The following NSUN3 variants were observed in gnomAD, a reference collection of about 807,000 sequenced individuals.
NSUN3 encodes the protein tRNA (cytosine(34)-C(5))-methyltransferase, mitochondrial.
NSUN3 carries 24 observed loss-of-function variants against 36.8 expected under a neutral mutation model. The observed-to-expected ratio is 0.65, with a 90% CI of 0.47 to 0.92. The LOEUF (loss-of-function observed/expected upper bound fraction) is 0.92, where lower values mean the gene tolerates loss of function less well. Ranked by LOEUF, NSUN3 falls within the 40% of genes least tolerant of loss-of-function variation. The pLI, the probability that NSUN3 is intolerant of heterozygous loss-of-function variation, is 0.00. For missense variants in NSUN3, 381 were observed against 392.8 expected (o/e 0.97, Z 0.25); for synonymous variants, 146 against 145.2 (o/e 1.01, Z -0.04).
chr3:94,084,649 T>G, intron 3 of NSUN3, 199 bp downstream of exon 3: 5 of 482,846 alleles, frequency 1.0e-5, no homozygotes. Flanking sequence ...AATTTAATTC[T>G]AGCAGGTGAT....
intron 2 of NSUN3, among the ~76,000 whole-genome samples, chr3:94,069,042 C>T (rs1354526170): frequency 6.6e-6 from 1 of 152,142 alleles, no homozygotes; most frequent in African/African-American, 2.4e-5. Flanking sequence ...CAAATTCAGT[C>T]CTGTGACTTA....
intron 5 of NSUN3, among the ~76,000 whole-genome samples, chr3:94,113,072 G>A (rs965675703): frequency 1.3e-5 from 2 of 152,046 alleles, no homozygotes; most frequent in African/African-American, 2.4e-5. Flanking sequence ...CACTGTGTTA[G>A]CCAGGATGGT....
chr3:94,107,972 TC>T (rs2077397243), intron 5 of NSUN3, among the ~76,000 whole-genome samples: 2 of 106,066 alleles, frequency 1.9e-5, no homozygotes, highest in African/African-American at 6.5e-5. Flanking sequence ...CTTTTTTTTT[TC>T]CTTTTTTTTT....
At chr3:94,096,233 G>T (rs1010051808) in intron 5 of NSUN3, among the ~76,000 whole-genome samples, 2 of 151,936 alleles carry the variant, frequency 1.3e-5, no homozygotes, top group Non-Finnish European at 2.9e-5. Context: ...CTAATACATA[G>T]CCTTGTATCA....
chr3:94,065,823 A>C (rs2077202252), intron 2 of NSUN3, among the ~76,000 whole-genome samples: 2 of 152,246 alleles, frequency 1.3e-5, no homozygotes. Context: ...TTCAGTATAC[A>C]AAGGTACTCA....
chr3:94,076,703 T>C, intron 2 of NSUN3: 2 of 1,283,344 alleles, frequency 1.6e-6, no homozygotes, highest in South Asian at 1.2e-5. Flanking sequence ...TGGTTTAGGA[T>C]GTTTTGTATA....
intron 2 of NSUN3, chr3:94,076,888 T>A (rs2077248668): frequency 6.9e-7 from 1 of 1,443,568 alleles, no homozygotes; most frequent in African/African-American, 1.4e-5. Flanking sequence ...CGTAGTGTGA[T>A]GCATCAAAAT....
intron 5 of NSUN3, among the ~76,000 whole-genome samples, chr3:94,112,888 G>C (rs753730651): frequency 6.6e-6 from 1 of 151,578 alleles, no homozygotes; most frequent in African/African-American, 2.4e-5. Context: ...TTTTTGAGAC[G>C]GAGTCTTGCT....
intron 3 of NSUN3, among the ~76,000 whole-genome samples, chr3:94,086,222 GTGCC>G (rs1177301104): frequency 6.6e-6 from 1 of 152,214 alleles, no homozygotes; most frequent in East Asian, 1.9e-4. Flanking sequence ...GTGAGCCACT[GTGCC>G]TGGCTGACTT....
Position 94,084,163 on chromosome 3 carries a change from A to G in NSUN3, c.179A>G (p.Asn60Ser), listed in dbSNP as rs2077282529. 3 of 1,614,026 alleles carry G rather than the reference A, an allele frequency of 1.9e-6. No homozygotes were observed. Among genetic ancestry groups the G allele is most frequent in the African/African-American group, 1.3e-5 (1 of 74,902 alleles). ...TATGCTGTCCTGCTTAACCGATTCAATTATCCTTTTGAACTGGAAAAGGAT... is the reference window on the plus strand; with the variant it reads ...TATGCTGTCCTGCTTAACCGATTCAGTTATCCTTTTGAACTGGAAAAGGAT... The part of the protein sequence containing the change: ...WQYAVLLNRF[N>S]YPFELEKDLH... Residue 60 changes from asparagine (N) to serine (S), a missense_variant, in exon 3 of 6, where the codon AAT (asparagine) becomes AGT (serine). Asn to Ser is a conservative substitution (Grantham distance 46). Transcript: ENST00000314622.
chr3:94,095,019 T>C lies in NSUN3; in HGVS notation c.622-14T>C. 6.2e-7 allele frequency: 1 copy of C among 1,611,264 alleles called. No individual in the cohort carries two copies. The highest frequency in any genetic ancestry group is 8.5e-7 in the Non-Finnish European group (1 of 1,178,056). On this transcript the variant is annotated splice_polypyrimidine_tract_variant and intron_variant, in intron 4 of 5. Coordinates refer to ENST00000314622, the MANE Select transcript of NSUN3 (RefSeq NM_022072.5). Reference sequence around the variant, plus strand: ...TCAGTGCATATTTGCATCACTTGTCTTTTTTTTCTCTAGGTGTTAGTGGAT... The same window carrying C: ...TCAGTGCATATTTGCATCACTTGTCCTTTTTTTCTCTAGGTGTTAGTGGAT...
At chr3:94,088,744 G>A (rs922483320) in intron 3 of NSUN3, among the ~76,000 whole-genome samples, 1 of 150,752 alleles carries the variant, frequency 6.6e-6, no homozygotes, top group Non-Finnish European at 1.5e-5. Context: ...GTGATCTTGG[G>A]TCACTGCAGT....
chr3:94,098,814 C>T (rs999442723), intron 5 of NSUN3, among the ~76,000 whole-genome samples: 1 of 152,186 alleles, frequency 6.6e-6, no homozygotes, highest in African/African-American at 2.4e-5. Flanking sequence ...CGTCTCCTTA[C>T]TGAAGCCTTG....
At chr3:94,078,532 C>G (rs534140238) in intron 2 of NSUN3, among the ~76,000 whole-genome samples, 4 of 152,084 alleles carry the variant, frequency 2.6e-5, no homozygotes, top group Admixed American at 1.3e-4. Context: ...ATATTGACAG[C>G]GGGGTGTTAA....
At position 94,095,155 on chromosome 3, in the gene NSUN3, G is replaced by T. The variant is rs1222702520; in HGVS notation, c.743+1G>T. 6.2e-7 allele frequency: 1 copy of T among 1,612,942 alleles called. No homozygotes were observed. Among genetic ancestry groups the T allele is most frequent in the Non-Finnish European group, 8.5e-7 (1 of 1,179,280 alleles). ...CTCTTCTACAGATAGAGCTGTTAAGGTAAGGACTGTTAATACAAAAGTGTA... is the reference window on the plus strand; with the variant it reads ...CTCTTCTACAGATAGAGCTGTTAAGTTAAGGACTGTTAATACAAAAGTGTA... On this transcript the variant is annotated splice_donor_variant, in intron 5 of 5. Transcript: ENST00000314622. LOFTEE classifies it high-confidence loss of function.
chr3:94,082,294 A>T (rs1447324818), intron 2 of NSUN3: 1 of 152,144 alleles, frequency 6.6e-6, no homozygotes, highest in Non-Finnish European at 1.5e-5. Flanking sequence ...TCACCTGAAA[A>T]CTTGCTAGAG....
chr3:94,113,155 C>G (rs1348948994), intron 5 of NSUN3, among the ~76,000 whole-genome samples: 1 of 152,128 alleles, frequency 6.6e-6, no homozygotes, highest in African/African-American at 2.4e-5. Flanking sequence ...TGAGCCACCG[C>G]ACCCGGCCCA....
At chr3:94,077,564 G>A (rs993382947) in intron 2 of NSUN3, among the ~76,000 whole-genome samples, 11 of 152,146 alleles carry the variant, frequency 7.2e-5, no homozygotes, top group Admixed American at 7.2e-4. Flanking sequence ...AATTCATCTG[G>A]TCCTGGACTT....
At chr3:94,082,994 AATAT>A (rs1233646443) in intron 2 of NSUN3, among the ~76,000 whole-genome samples, 1 of 152,118 alleles carries the variant, frequency 6.6e-6, no homozygotes, top group Non-Finnish European at 1.5e-5. Context: ...TTTTCCCTCT[AATAT>A]TAATAGTCTC....
Sources: allele counts gnomAD v4.1 joint callset (sites outside exome capture counted in the v4.1 genomes callset), GRCh38; gene constraint gnomAD v4.1.1; transcripts MANE v1.5; gene names NCBI Gene and HGNC (gene_info 2026-07-23, HGNC 2026-07-21).